Variants in SPP2 observed in about 807,000 individuals in gnomAD.
The protein encoded by SPP2 is secreted phosphoprotein 2, also known as secreted phosphoprotein 24.
In SPP2, 34 loss-of-function variants were observed where a neutral mutation model predicts 28.8. That is an observed-to-expected ratio of 1.18 (90% CI 0.90 to 1.57). The LOEUF (loss-of-function observed/expected upper bound fraction) is 1.57. Among genes scored for constraint, SPP2 ranks in the 40% most tolerant of loss-of-function variants. The pLI, the probability that SPP2 is intolerant of heterozygous loss-of-function variation, is 0.00. For missense variants in SPP2, 269 were observed against 263.9 expected, an observed-to-expected ratio of 1.02 and a Z score of -0.13; for synonymous variants, 96 against 89.4, an observed-to-expected ratio of 1.07 and a Z score of -0.42.
chr2:234,061,965 T>C (rs1001494829), intron 4 of SPP2, among the ~76,000 whole-genome samples: 2 of 152,198 alleles, frequency 1.3e-5, no homozygotes, highest in African/African-American at 4.8e-5. Context: ...CCTATTGAAA[T>C]ATTTAGGAAG....
intron 4 of SPP2, among the ~76,000 whole-genome samples, chr2:234,063,311 CAT>C (rs1444393977): frequency 2.0e-5 from 3 of 151,562 alleles, no homozygotes; most frequent in African/African-American, 4.9e-5. Context: ...ACTTGAAAAA[CAT>C]ATAGAGAATG....
intron 2 of SPP2, among the ~76,000 whole-genome samples, chr2:234,051,451 T>C (rs1470215579): frequency 6.6e-6 from 1 of 152,230 alleles, no homozygotes; most frequent in East Asian, 1.9e-4. Flanking sequence ...TCAGCAGTTC[T>C]GCTCCTAATA....
At chr2:234,070,575 C>G (rs1690745679) in intron 7 of SPP2, among the ~76,000 whole-genome samples, 3 of 152,212 alleles carry the variant, frequency 2.0e-5, no homozygotes, top group African/African-American at 7.2e-5. Flanking sequence ...AATTCTCCCA[C>G]CTCAGCCTCT....
chr2:234,075,844 C>T (rs530310919), intron 7 of SPP2, among the ~76,000 whole-genome samples: 1 of 152,304 alleles, frequency 6.6e-6, no homozygotes, highest in East Asian at 1.9e-4. Flanking sequence ...CGGAGACTCA[C>T]TCTTCCCCCT....
At chr2:234,066,399 C>T (rs888084661) in intron 4 of SPP2, 134 bp from the exon 5 acceptor site, 14 of 710,228 alleles carry the variant, frequency 2.0e-5, no homozygotes, top group Middle Eastern at 2.6e-4. Context: ...TTTAATATAA[C>T]GTATTGCCTA....
intron 7 of SPP2, among the ~76,000 whole-genome samples, chr2:234,072,028 A>C (rs768670654): frequency 6.6e-6 from 1 of 152,242 alleles, no homozygotes; most frequent in African/African-American, 2.4e-5. Context: ...TTCAACTGCC[A>C]CTGTCCCGCA....
At chr2:234,076,315 C>T (rs1690893114) in intron 7 of SPP2, among the ~76,000 whole-genome samples, 1 of 152,180 alleles carries the variant, frequency 6.6e-6, no homozygotes, top group African/African-American at 2.4e-5. Context: ...CTCAGGCCCC[C>T]TCTGCTGGGA....
At chr2:234,058,448 T>C (rs1165312266) in intron 2 of SPP2, among the ~76,000 whole-genome samples, 1 of 152,224 alleles carries the variant, frequency 6.6e-6, no homozygotes, top group East Asian at 1.9e-4. Context: ...CATTTGTCCC[T>C]AGATGATTGC....
At chr2:234,067,549 G>A (rs1231896182) in intron 6 of SPP2, among the ~76,000 whole-genome samples, 2 of 151,952 alleles carry the variant, frequency 1.3e-5, no homozygotes, top group Non-Finnish European at 2.9e-5. Context: ...AGGCCGAGGC[G>A]GGCGGATCAC....
intron 4 of SPP2, among the ~76,000 whole-genome samples, chr2:234,061,114 G>A (rs11897058): frequency 0.053 from 8,046 of 152,180 alleles, 488 homozygotes; most frequent in African/African-American, 0.14. Context: ...TCAATGGATG[G>A]CAGGACCCTT....
chr2:234,051,240 A>G lies in SPP2; in HGVS notation c.210+145A>G, dbSNP rs907438392. On this transcript the variant is annotated intron_variant, in intron 2 of 7. Transcript: ENST00000168148. ...TCTTTCATACTGTCTCTTTTCTTTG[A>G]CAGAGAAAGATTTAATTACAATTTT... The G allele has an allele frequency of 4.2e-6, 5 of 1,177,792 alleles. No homozygotes were observed. In the East Asian group the frequency reaches 1.3e-4, roughly 30 times the overall value. The allele number at this position is 1,177,792 out of a possible 1,614,324, so 73.0% of individuals were successfully genotyped here.
intron 3 of SPP2, among the ~76,000 whole-genome samples, chr2:234,060,036 A>T (rs1225917755): frequency 1.2e-4 from 18 of 152,210 alleles, no homozygotes. Context: ...ATCTGAGGGC[A>T]AAGAAGAAGA....
intron 6 of SPP2, among the ~76,000 whole-genome samples, chr2:234,069,105 T>C (rs1232398629): frequency 6.6e-6 from 1 of 152,028 alleles, no homozygotes; most frequent in Non-Finnish European, 1.5e-5. Flanking sequence ...AGGGCTTCAG[T>C]TTCTTACCAT....
chr2:234,065,494 G>A (rs1224774466), intron 4 of SPP2, among the ~76,000 whole-genome samples: 1 of 152,154 alleles, frequency 6.6e-6, no homozygotes, highest in Non-Finnish European at 1.5e-5. Flanking sequence ...TGGCCTGCCT[G>A]GTCTCCAACT....
In SPP2 at chr2:234,060,472, G is replaced by A; in HGVS notation, c.437G>A (p.Ser146Asn). ...WSSSTSESYS[S>N]EEMIFGDMLG... ...TCCTCCACGTCTGAGTCTTACAGCA[G>A]CGAAGAGGTATGACTGGGGCCTTGT... The change falls in exon 4 of 8, where the codon AGC (serine) becomes AAC (asparagine). Residue 146 changes from serine (S) to asparagine (N), a missense_variant. Transcript: ENST00000168148. 6.2e-7 allele frequency: 1 copy of A among 1,613,218 alleles called. No individual in the cohort carries two copies.
rs148382591 is a variant in SPP2 at position 234,064,680 on chromosome 2, C to T, written c.445-1853C>T. 3.5e-3 allele frequency among the ~76,000 whole-genome samples: 536 copies of T among 152,266 alleles called. 5 individuals are homozygous for T. Among genetic ancestry groups the T allele is most frequent in the African/African-American group, 0.012 (518 of 41,544 alleles). On this transcript the variant is annotated intron_variant, in intron 4 of 7. Coordinates refer to ENST00000168148, the MANE Select transcript of SPP2 (RefSeq NM_006944.3). ...TTAAATCCAGAACACTTTTATCACG[C>T]GGGAGAGAGACCCCAGTAACAGTTG...
At chr2:234,055,889 A>T (rs1693596217) in intron 2 of SPP2, among the ~76,000 whole-genome samples, 1 of 149,816 alleles carries the variant, frequency 6.7e-6, no homozygotes, top group Non-Finnish European at 1.5e-5. Flanking sequence ...ATTTTATTTT[A>T]TGAGTATCTT....
chr2:234,075,131 T>G (rs1349761552), intron 7 of SPP2, among the ~76,000 whole-genome samples: 3 of 152,058 alleles, frequency 2.0e-5, no homozygotes, highest in Non-Finnish European at 4.4e-5. Flanking sequence ...GTGGGTAGGT[T>G]GACTCCAAGT....
intron 7 of SPP2, among the ~76,000 whole-genome samples, chr2:234,075,300 C>T (rs973086053): frequency 3.3e-5 from 5 of 152,290 alleles, no homozygotes; most frequent in South Asian, 2.1e-4. Context: ...CCTGGCCCCT[C>T]GTTTATCCCT....
Sources: allele counts gnomAD v4.1 joint callset (sites outside exome capture counted in the v4.1 genomes callset), GRCh38; gene constraint gnomAD v4.1.1; transcripts MANE v1.5; gene names NCBI Gene and HGNC (gene_info 2026-07-23, HGNC 2026-07-21).